SMC3: variants seen among roughly 807,000 people sequenced by gnomAD.
The protein encoded by SMC3 is structural maintenance of chromosomes protein 3.
A neutral mutation model predicts 171.8 loss-of-function variants in SMC3; 20 were observed. That is an observed-to-expected ratio of 0.12 (90% CI 0.08 to 0.17). The LOEUF (loss-of-function observed/expected upper bound fraction) is 0.17, where lower values mean the gene tolerates loss of function less well. SMC3 is among the 10% of genes least tolerant of loss of function. SMC3 has a pLI of 1.00. For missense variants in SMC3, 543 were observed against 1,420.4 expected, an observed-to-expected ratio of 0.38 and a Z score of 9.93; for synonymous variants, 464 against 451.1, an observed-to-expected ratio of 1.03 and a Z score of -0.36.
chr10:110,574,021 A>T (rs1860911623), intron 3 of SMC3, among the ~76,000 whole-genome samples: 1 of 152,176 alleles, frequency 6.6e-6, no homozygotes. Context: ...TGCCCTGTCT[A>T]CCTTAGATGG....
intron 13 of SMC3, among the ~76,000 whole-genome samples, 194 bp from the exon 14 acceptor site, chr10:110,589,407 CCACA>C (rs1276501339): frequency 1.3e-5 from 2 of 151,994 alleles, no homozygotes; most frequent in Non-Finnish European, 2.9e-5. Context: ...CTGTAAAACA[CCACA>C]CAGTTAAGAC....
At chr10:110,578,896 T>C (rs1011233753) in intron 7 of SMC3, among the ~76,000 whole-genome samples, 190 bp downstream of exon 7, 8 of 152,228 alleles carry the variant, frequency 5.3e-5, no homozygotes, top group Non-Finnish European at 8.8e-5. Context: ...AAGTGGATCT[T>C]GTTTTCCTAG....
chr10:110,573,431 T>C lies in SMC3; in HGVS notation c.92-276T>C, dbSNP rs560824809. Among the ~76,000 whole-genome samples the C allele has an allele frequency of 2.3e-4, 35 of 152,280 alleles. No individual in the cohort carries two copies. The South Asian group carries it at 7.2e-3, about 32-fold the overall frequency. On this transcript the variant is annotated intron_variant, in intron 2 of 28. Transcript: ENST00000361804. ...TGATATAAGAGCCAGGTAGTATATT[T>C]AGCTATTCCTATTCATTTTAAACTA...
At chr10:110,581,104 T>A in intron 8 of SMC3, 83 bp downstream of exon 8, 1 of 800,876 alleles carries the variant, frequency 1.2e-6, no homozygotes, top group Non-Finnish European at 2.3e-6. Context: ...GGGAATATAG[T>A]AGGTGTTTAG....
chr10:110,572,517 G>C (rs1344884028), intron 2 of SMC3, among the ~76,000 whole-genome samples: 2 of 152,026 alleles, frequency 1.3e-5, no homozygotes, highest in Non-Finnish European at 2.9e-5. Flanking sequence ...GTGATGTTGT[G>C]TCCCTCTCAG....
At position 110,578,012 on chromosome 10, in the gene SMC3, A is replaced by C. The variant is rs993704015; in HGVS notation, c.350+98A>C. The C allele has an allele frequency of 7.4e-5, 59 of 800,312 alleles. 1 individual carries two copies. The African/African-American group carries it at 9.7e-4, about 13-fold the overall frequency. 49.6% of individuals were successfully genotyped at this position (800,312 alleles called of 1,614,324 possible). A position where few individuals can be genotyped will look rare whatever the true frequency, so the allele number is the denominator to read the frequency against. ...AGGTTGGTCTCGAACTCTTGGCCTC[A>C]AATGATCCACCTCGGCTTCCTAAAG... On this transcript the variant is annotated intron_variant, in intron 6 of 28. Coordinates refer to ENST00000361804, the MANE Select transcript of SMC3 (RefSeq NM_005445.4).
intron 4 of SMC3, 143 bp from the exon 5 acceptor site, chr10:110,577,278 T>A: frequency 1.5e-6 from 1 of 677,016 alleles, no homozygotes; most frequent in East Asian, 2.7e-5. Context: ...GACGTTAGAT[T>A]AGTGTGTGTG....
intron 17 of SMC3, among the ~76,000 whole-genome samples, chr10:110,592,073 G>A (rs916179765): frequency 6.6e-6 from 1 of 152,026 alleles, no homozygotes; most frequent in Non-Finnish European, 1.5e-5. Context: ...AGACCAGCCT[G>A]GCCAACAAGG....
chr10:110,589,642 T>C lies in SMC3; in HGVS notation c.1343T>C (p.Val448Ala). The C allele has an allele frequency of 6.2e-7, 1 of 1,611,278 alleles. No homozygotes were observed. The highest frequency in any genetic ancestry group is 8.5e-7 in the Non-Finnish European group (1 of 1,177,812). ...DQDLNEVKAR[V>A]EELDRKYYEV... ...GATCTTAATGAAGTCAAAGCTCGAG[T>C]AGAAGAACTGGACAGAAAATATTAC... The change falls in exon 14 of 29, where the codon GTA becomes GCA. Residue 448 changes from valine (V) to alanine (A), a missense_variant. Around this residue, in one of 8 missense-constraint regions of SMC3, gnomAD observed 218 missense variants for 509.6 expected, o/e 0.43. Coordinates refer to ENST00000361804, the MANE Select transcript of SMC3 (RefSeq NM_005445.4).
Position 110,599,675 on chromosome 10 carries a change from G to A in SMC3, c.2290G>A (p.Glu764Lys), listed in dbSNP as rs1861357287. The change falls in exon 21 of 29, where the codon GAG (glutamate) becomes AAG (lysine). Residue 764 changes from glutamate to lysine, a missense_variant. By Grantham distance (56) the Glu-to-Lys change is moderately conservative. This residue lies in a region of SMC3 where 218 missense variants were observed against 509.6 expected (regional missense o/e 0.43). Transcript: ENST00000361804. ...ATAGCAACGTAGCTTACAGAGTTTG[G>A]AGGCAAGCTTGCATGCTATGGAGTC... ...MPKQRSLQSL[E>K]ASLHAMESTR... 6.2e-7 allele frequency: 1 copy of A among 1,613,922 alleles called. No individual in the cohort carries two copies. Among genetic ancestry groups the A allele is most frequent in the South Asian group, 1.1e-5 (1 of 91,084 alleles).
intron 25 of SMC3, 21 bp downstream of exon 25, chr10:110,602,199 A>G: frequency 6.3e-7 from 1 of 1,585,326 alleles, no homozygotes; most frequent in South Asian, 1.1e-5. Context: ...CTTTGTAGTT[A>G]AAACATACAC....
At chr10:110,592,603 A>G (rs1333367788) in intron 17 of SMC3, among the ~76,000 whole-genome samples, 5 of 152,238 alleles carry the variant, frequency 3.3e-5, no homozygotes, top group African/African-American at 1.2e-4. Context: ...ATGTAAAATT[A>G]AAACATTTTG....
intron 13 of SMC3, among the ~76,000 whole-genome samples, chr10:110,586,714 A>G (rs558254139): frequency 4.3e-4 from 65 of 152,158 alleles, no homozygotes; most frequent in African/African-American, 1.4e-3. Flanking sequence ...CTGGAGTGCA[A>G]TGGTGCGATC....
chr10:110,584,782 A>C (rs915002453), intron 13 of SMC3, among the ~76,000 whole-genome samples: 66 of 152,230 alleles, frequency 4.3e-4, no homozygotes, highest in Middle Eastern at 6.8e-3. Context: ...CACCAGGCCC[A>C]GCAAAATTTT....
rs768710859 is a variant in SMC3 at position 110,567,806 on chromosome 10, G to A, written c.-11G>A. 3.7e-6 allele frequency: 6 copies of A among 1,613,394 alleles called. No homozygotes were observed. The highest frequency in any genetic ancestry group is 2.7e-5 in the African/African-American group (2 of 74,922). ...GGGGCAGGTCTCCTTCCAGGCCAGG[G>A]GCCCGGAATCATGTACATAAAGCAG... On this transcript the variant is annotated 5_prime_UTR_variant, in exon 1 of 29. Transcript: ENST00000361804.
At chr10:110,573,278 T>C (rs1023481776) in intron 2 of SMC3, among the ~76,000 whole-genome samples, 3 of 152,174 alleles carry the variant, frequency 2.0e-5, no homozygotes, top group Non-Finnish European at 4.4e-5. Flanking sequence ...CATGATAATA[T>C]AGGGTTGATT....
intron 17 of SMC3, among the ~76,000 whole-genome samples, chr10:110,592,747 A>G (rs1861228271): frequency 6.6e-6 from 1 of 152,218 alleles, no homozygotes; most frequent in Non-Finnish European, 1.5e-5. Flanking sequence ...TAAAGTAACT[A>G]TTATCTGAGG....
chr10:110,571,847 A>C (rs989857016), intron 2 of SMC3, among the ~76,000 whole-genome samples: 13 of 152,142 alleles, frequency 8.5e-5, no homozygotes, highest in Admixed American at 3.3e-4. Context: ...CATATAACTT[A>C]CTGGTAATCT....
intron 8 of SMC3, 118 bp from the exon 9 acceptor site, chr10:110,581,805 A>C: frequency 1.0e-6 from 1 of 992,234 alleles, no homozygotes; most frequent in Non-Finnish European, 1.5e-6. Flanking sequence ...TTACCACATC[A>C]CATCAAAGAA....
Sources: gnomAD v4.1 joint callset for allele counts (sites outside exome capture counted in the v4.1 genomes callset) on GRCh38, gnomAD v4.1.1 for gene constraint, gnomAD v4.1.1 regional missense constraint, MANE v1.5 for transcripts, NCBI Gene and HGNC (gene_info 2026-07-23, HGNC 2026-07-21) for gene names.